Variants in TENM3 observed in about 807,000 individuals in gnomAD.
The protein encoded by TENM3 is teneurin-3.
TENM3 carries 63 observed loss-of-function variants against 255.1 expected under a neutral mutation model. That is an observed-to-expected ratio of 0.25 (90% CI 0.20 to 0.30). The LOEUF is 0.30. TENM3 is among the 10% of genes least tolerant of loss of function. The pLI is 1.00. For missense variants in TENM3, 2,929 were observed against 3,461.1 expected (o/e 0.85, Z 3.86); for synonymous variants, 1,306 against 1,322.3 (o/e 0.99, Z 0.27).
intron 3 of TENM3, among the ~76,000 whole-genome samples, chr4:182,395,762 G>A (rs894219619): frequency 2.6e-5 from 4 of 152,104 alleles, no homozygotes; most frequent in Admixed American, 6.5e-5. Flanking sequence ...CTGTTTGTGC[G>A]GAATTATTTT....
chr4:181,890,430 A>G, the TENM3 span, among the ~76,000 whole-genome samples: 3,917 of 152,284 alleles, frequency 0.026, 91 homozygotes, highest in Middle Eastern at 0.054. Context: ...TTTCAAAGAA[A>G]AAAAAGACTA....
At chr4:182,269,459 G>A (rs1261526879) in intron 1 of TENM3, among the ~76,000 whole-genome samples, 5 of 152,320 alleles carry the variant, frequency 3.3e-5, no homozygotes, top group African/African-American at 9.6e-5. Context: ...TCTAAATGCT[G>A]TTGAGTGTAG....
At chr4:182,787,671 G>C (rs763482273) in intron 24 of TENM3, among the ~76,000 whole-genome samples, 1 of 148,380 alleles carries the variant, frequency 6.7e-6, no homozygotes, top group Non-Finnish European at 1.5e-5. Context: ...GGAGGCGGAG[G>C]CTGCAGTGAG....
the TENM3 span, among the ~76,000 whole-genome samples, chr4:181,486,387 A>G: frequency 6.6e-6 from 1 of 152,220 alleles, no homozygotes; most frequent in Admixed American, 6.5e-5. Flanking sequence ...AAGAAGACAA[A>G]GTACCATAGC....
the TENM3 span, among the ~76,000 whole-genome samples, chr4:181,847,985 A>G: frequency 6.6e-6 from 1 of 152,218 alleles, no homozygotes; most frequent in Non-Finnish European, 1.5e-5. Context: ...TTGAAACTGA[A>G]GTTAAAGACC....
chr4:181,674,476 T>C, the TENM3 span, among the ~76,000 whole-genome samples: 1 of 151,346 alleles, frequency 6.6e-6, no homozygotes, highest in Non-Finnish European at 1.5e-5. Context: ...CAACATCAAA[T>C]GGTTTCCTTT....
chr4:182,634,707 TAAA>T (rs11395245), intron 5 of TENM3, among the ~76,000 whole-genome samples: 8,904 of 116,336 alleles, frequency 0.077, 959 homozygotes, highest in African/African-American at 0.25. Context: ...ACTCTGAAAT[TAAA>T]AAAAAAAAAA....
intron 24 of TENM3, among the ~76,000 whole-genome samples, chr4:182,784,492 T>G (rs1381589294): frequency 6.6e-6 from 1 of 151,534 alleles, no homozygotes; most frequent in Non-Finnish European, 1.5e-5. Flanking sequence ...CTGCAGAGGT[T>G]ACTGCTGTCT....
At chr4:182,599,119 A>G (rs1581060587) in intron 3 of TENM3, among the ~76,000 whole-genome samples, 1 of 152,166 alleles carries the variant, frequency 6.6e-6, no homozygotes, top group African/African-American at 2.4e-5. Flanking sequence ...TAGTCATGCT[A>G]TCAGCAATTT....
At chr4:182,750,789 T>C (rs1384315664) in intron 19 of TENM3, among the ~76,000 whole-genome samples, 2 of 152,188 alleles carry the variant, frequency 1.3e-5, no homozygotes, top group Non-Finnish European at 2.9e-5. Context: ...CATCAAAAGA[T>C]ACATGGAGTT....
chr4:182,357,046 CTCA>C (rs1178862892), intron 3 of TENM3, among the ~76,000 whole-genome samples: 1 of 152,106 alleles, frequency 6.6e-6, no homozygotes, highest in Non-Finnish European at 1.5e-5. Context: ...AGCACATGAA[CTCA>C]TCATTTTTTA....
intron 1 of TENM3, among the ~76,000 whole-genome samples, chr4:182,289,976 AC>A (rs747669488): frequency 1.3e-5 from 2 of 151,314 alleles, no homozygotes; most frequent in Non-Finnish European, 2.9e-5. Context: ...TCTGTCTGGG[AC>A]CCCTCCAGCC....
chr4:181,828,995 G>A, the TENM3 span, among the ~76,000 whole-genome samples: 8 of 152,100 alleles, frequency 5.3e-5, no homozygotes, highest in Non-Finnish European at 8.8e-5. Context: ...TTGAGGTGCC[G>A]TCACCACCCC....
At chr4:182,140,874 CGCGGG>C (rs1360344391), upstream of TENM3, among the ~76,000 whole-genome samples, 1 of 152,182 alleles carries the variant, frequency 6.6e-6, no homozygotes, top group Non-Finnish European at 1.5e-5. Flanking sequence ...AGACTTGACC[CGCGGG>C]GAGGCGGTGG....
intron 3 of TENM3, among the ~76,000 whole-genome samples, chr4:182,490,928 C>T (rs1374466028): frequency 6.6e-6 from 1 of 152,178 alleles, no homozygotes; most frequent in Non-Finnish European, 1.5e-5. Flanking sequence ...CAGGATAGGG[C>T]ACATAGTAGA....
Position 182,264,547 on chromosome 4 carries a change from A to G in TENM3, c.-76+21071A>G, listed in dbSNP as rs1040409687. Among the ~76,000 whole-genome samples the G allele has an allele frequency of 3.9e-5, 6 of 152,236 alleles. No individual in the cohort carries two copies. In the East Asian group the frequency reaches 5.8e-4, roughly 15 times the overall value. On this transcript the variant is annotated intron_variant, in intron 1 of 27. Coordinates refer to ENST00000511685, the MANE Select transcript of TENM3 (RefSeq NM_001080477.4). ...CTAGACTCCTTCTGGGAAAAAAGAC[A>G]GAGACTGTCCTGTGCTGTAGCTCAG...
chr4:181,625,482 T>G, the TENM3 span, among the ~76,000 whole-genome samples: 1 of 152,194 alleles, frequency 6.6e-6, no homozygotes, highest in East Asian at 1.9e-4. Context: ...GTGAGCCACC[T>G]GCACTTCGCA....
At chr4:181,732,268 A>G in the TENM3 span, among the ~76,000 whole-genome samples, 1 of 152,146 alleles carries the variant, frequency 6.6e-6, no homozygotes, top group African/African-American at 2.4e-5. Context: ...TTGGCAAGAA[A>G]TGACTGTAGA....
At chr4:181,919,293 T>C in the TENM3 span, among the ~76,000 whole-genome samples, 1 of 151,850 alleles carries the variant, frequency 6.6e-6, no homozygotes, top group Admixed American at 6.6e-5. Context: ...ACCAAAGTGG[T>C]GGCCAACTGG....
Sources: gnomAD v4.1 joint callset for allele counts (sites outside exome capture counted in the v4.1 genomes callset) on GRCh38, gnomAD v4.1.1 for gene constraint, MANE v1.5 for transcripts, NCBI Gene and HGNC (gene_info 2026-07-23, HGNC 2026-07-21) for gene names.